Variants in MYO3B observed in about 807,000 individuals in gnomAD.
MYO3B encodes myosin-IIIb.
Under a neutral mutation model 174.6 loss-of-function variants are expected in MYO3B, and 156 were observed. The ratio of observed to expected loss-of-function variants is 0.89; its 90% CI spans 0.78 to 1.02. The LOEUF is 1.02. Ranked by LOEUF, MYO3B falls within the 50% of genes least tolerant of loss-of-function variation. MYO3B has a pLI of 0.00. For missense variants in MYO3B, 1,632 were observed against 1,639.4 expected, an observed-to-expected ratio of 1.00 and a Z score of 0.08; for synonymous variants, 563 against 569.1, an observed-to-expected ratio of 0.99 and a Z score of 0.15.
chr2:170,515,495 A>G (rs550962275), intron 29 of MYO3B, among the ~76,000 whole-genome samples: 1 of 152,282 alleles, frequency 6.6e-6, no homozygotes, highest in South Asian at 2.1e-4. Flanking sequence ...CAAGAAGTGG[A>G]AACGTGGGTT....
chr2:170,212,174 C>A (rs1468229656), intron 3 of MYO3B, among the ~76,000 whole-genome samples: 1 of 149,018 alleles, frequency 6.7e-6, no homozygotes. Context: ...ACCCAGGGGG[C>A]GGAGTTTGTG....
chr2:170,508,016 G>A (rs1687722632), intron 28 of MYO3B, among the ~76,000 whole-genome samples: 1 of 152,294 alleles, frequency 6.6e-6, no homozygotes, highest in South Asian at 2.1e-4. Flanking sequence ...TTTACCTAAT[G>A]CACAGAGAGG....
intron 9 of MYO3B, among the ~76,000 whole-genome samples, chr2:170,377,328 C>T (rs1056382138): frequency 1.3e-5 from 2 of 152,228 alleles, no homozygotes; most frequent in Admixed American, 6.5e-5. Context: ...AAGCTCCTTT[C>T]CCACTCATTG....
chr2:170,594,553 A>G (rs1694020192), intron 32 of MYO3B, among the ~76,000 whole-genome samples: 2 of 152,152 alleles, frequency 1.3e-5, no homozygotes, highest in Non-Finnish European at 2.9e-5. Flanking sequence ...CTAATAGCAA[A>G]TAGGAATTTT....
intron 32 of MYO3B, chr2:170,601,634 T>A: frequency 3.1e-6 from 4 of 1,299,364 alleles, no homozygotes; most frequent in Non-Finnish European, 4.4e-6. Flanking sequence ...CTTCTTCATC[T>A]TCCTCCTCAT....
chr2:170,561,880 C>T (rs1044252544), intron 32 of MYO3B, among the ~76,000 whole-genome samples: 1 of 152,032 alleles, frequency 6.6e-6, no homozygotes, highest in African/African-American at 2.4e-5. Flanking sequence ...CCTGTGGTTT[C>T]TCAAAAATGC....
intron 2 of MYO3B, 152 bp downstream of exon 2, chr2:170,199,543 A>G: frequency 1.6e-6 from 1 of 639,000 alleles, no homozygotes; most frequent in Non-Finnish European, 2.5e-6. Context: ...GAATGAAGGG[A>G]CTCCACTTGG....
At chr2:170,576,722 T>C (rs576253953) in intron 32 of MYO3B, among the ~76,000 whole-genome samples, 200 of 152,294 alleles carry the variant, frequency 1.3e-3, no homozygotes, top group African/African-American at 4.7e-3. Context: ...ATAAGTGAAA[T>C]GGTCACAAAG....
chr2:170,393,235 C>T (rs916613484), intron 16 of MYO3B, among the ~76,000 whole-genome samples: 2 of 151,834 alleles, frequency 1.3e-5, no homozygotes, highest in African/African-American at 4.8e-5. Context: ...AGGTGTGTGC[C>T]ACCACACCTG....
chr2:170,615,934 TAAC>T (rs1695437483), intron 32 of MYO3B, among the ~76,000 whole-genome samples: 1 of 152,146 alleles, frequency 6.6e-6, no homozygotes, highest in South Asian at 2.1e-4. Context: ...TTCTTTCACA[TAAC>T]ATTTGTATGT....
At chr2:170,547,331 A>G (rs1690580694) in intron 32 of MYO3B, among the ~76,000 whole-genome samples, 1 of 144,886 alleles carries the variant, frequency 6.9e-6, no homozygotes, top group Admixed American at 6.9e-5. Context: ...CTCTGTCTCA[A>G]AAAAAAAAAA....
At chr2:170,291,668 T>C (rs2093597043) in intron 7 of MYO3B, among the ~76,000 whole-genome samples, 1 of 151,926 alleles carries the variant, frequency 6.6e-6, no homozygotes, top group Non-Finnish European at 1.5e-5. Flanking sequence ...CTCTATTTCA[T>C]ATTCAAAGGA....
intron 32 of MYO3B, among the ~76,000 whole-genome samples, chr2:170,617,446 C>T (rs776148272): frequency 1.3e-5 from 2 of 152,184 alleles, no homozygotes; most frequent in African/African-American, 2.4e-5. Context: ...CTGCTAATAA[C>T]ATATATGGTG....
intron 32 of MYO3B, among the ~76,000 whole-genome samples, chr2:170,633,494 A>C (rs183116081): frequency 6.6e-6 from 1 of 152,336 alleles, no homozygotes; most frequent in South Asian, 2.1e-4. Flanking sequence ...GCTATTTATG[A>C]TAAACCCACA....
intron 23 of MYO3B, among the ~76,000 whole-genome samples, chr2:170,450,099 A>G (rs1206234879): frequency 6.6e-6 from 1 of 152,198 alleles, no homozygotes; most frequent in Non-Finnish European, 1.5e-5. Context: ...AATTTTACAT[A>G]ATAATTAAAA....
Position 170,401,796 on chromosome 2 carries a change from C to CTTTTTTTTTTTTTT in MYO3B, c.2129+110_2129+111insTTTTTTTTTTTTTT, listed in dbSNP as rs1268110549. 13 of 794,384 alleles carry CTTTTTTTTTTTTTT rather than the reference C, an allele frequency of 1.6e-5. 1 individual carries two copies. The African/African-American group carries it at 2.4e-4, about 15-fold the overall frequency. The allele number at this position is 794,384 out of a possible 1,614,324, so 49.2% of individuals were successfully genotyped here. A position where few individuals can be genotyped will look rare whatever the true frequency, so the allele number is the denominator to read the frequency against. On this transcript the variant is annotated intron_variant, in intron 18 of 34. Transcript: ENST00000408978. ...TTTGGTCCTCTCTGGGATTTTCTTT[C>CTTTTTTTTTTTTTT]TTTTTCTTTTTTTTTTTTTTTGTGG...
At chr2:170,214,554 A>T in intron 4 of MYO3B, 71 bp downstream of exon 4, 1 of 1,473,232 alleles carries the variant, frequency 6.8e-7, no homozygotes, top group Non-Finnish European at 9.5e-7. Context: ...TCCTTATTGC[A>T]TATTAACAAT....
At position 170,419,414 on chromosome 2, in the gene MYO3B, A is replaced by C. The variant is rs1029469793; in HGVS notation, c.2650+11570A>C. On this transcript the variant is annotated intron_variant, in intron 22 of 34. Transcript: ENST00000408978. The stretch of plus-strand genomic sequence containing the variant: ...GGCCTCTCTCCATGGCTTACTAATA[A>C]GGACACCAGTCATAATGGATTAGGA... Among the ~76,000 whole-genome samples, 3 of 152,306 alleles carry C rather than the reference A, an allele frequency of 2.0e-5. No homozygotes were observed. The East Asian group carries it at 5.8e-4, about 29-fold the overall frequency.
At chr2:170,608,172 C>A (rs1694928164) in intron 32 of MYO3B, among the ~76,000 whole-genome samples, 1 of 152,208 alleles carries the variant, frequency 6.6e-6, no homozygotes, top group Non-Finnish European at 1.5e-5. Flanking sequence ...TGGGCCACTG[C>A]ACTACAGCCT....
Sources: gnomAD v4.1 joint callset for allele counts (sites outside exome capture counted in the v4.1 genomes callset) on GRCh38, gnomAD v4.1.1 for gene constraint, MANE v1.5 for transcripts, NCBI Gene and HGNC (gene_info 2026-07-23, HGNC 2026-07-21) for gene names.